AGAP1: variants seen among roughly 807,000 people sequenced by gnomAD.
The protein encoded by AGAP1 is ArfGAP with GTPase domain, ankyrin repeat and PH domain 1.
Under a neutral mutation model 105.3 loss-of-function variants are expected in AGAP1, and 29 were observed. That is an observed-to-expected ratio of 0.28 (90% CI 0.21 to 0.38). AGAP1 has a LOEUF of 0.38. Ranked by LOEUF, AGAP1 falls within the 10% of genes least tolerant of loss-of-function variation. AGAP1 has a pLI of 1.00. For missense variants in AGAP1, 998 were observed against 1,165.1 expected, an observed-to-expected ratio of 0.86 and a Z score of 2.09; for synonymous variants, 509 against 485.9, an observed-to-expected ratio of 1.05 and a Z score of -0.63.
At chr2:235,602,079 C>T (rs1283874778) in intron 1 of AGAP1, among the ~76,000 whole-genome samples, 2 of 152,232 alleles carry the variant, frequency 1.3e-5, no homozygotes, top group Admixed American at 6.5e-5. Flanking sequence ...GGCCGCAGAG[C>T]AGGCACTGGC....
rs933405929 is a variant in AGAP1 at position 235,732,339 on chromosome 2, C to T, written c.311-8624C>T. 6.6e-6 allele frequency among the ~76,000 whole-genome samples: 1 copy of T among 152,232 alleles called. No homozygotes were observed. The highest frequency in any genetic ancestry group is 6.5e-5 in the Admixed American group (1 of 15,280). Reference sequence around the variant, plus strand: ...AACTCAGCTTTCAGCCTTGTCTCTTCTGCTCCTTACTTTTTCTAATTTTAT... The same window carrying T: ...AACTCAGCTTTCAGCCTTGTCTCTTTTGCTCCTTACTTTTTCTAATTTTAT... On this transcript the variant is annotated intron_variant, in intron 3 of 17. Coordinates refer to ENST00000304032, the MANE Select transcript of AGAP1 (RefSeq NM_001037131.3). This position sits in a 1 kb window ranked among gnomAD's most constrained non-coding sequence, Gnocchi z 4.8.
rs1012968363 is a variant in AGAP1 at position 235,906,194 on chromosome 2, T to C, written c.1156-2544T>C. ...CCAGCCTCGGGTGGCCGGGCACCTC[T>C]GCTCCCGGCCTCTGGGCTGATGTGA... On this transcript the variant is annotated intron_variant, in intron 10 of 17. Coordinates refer to ENST00000304032, the MANE Select transcript of AGAP1 (RefSeq NM_001037131.3). This position sits in a 1 kb window ranked among gnomAD's most constrained non-coding sequence, Gnocchi z 5.3. 6.6e-6 allele frequency among the ~76,000 whole-genome samples: 1 copy of C among 152,170 alleles called. No individual in the cohort carries two copies. The highest frequency in any genetic ancestry group is 1.5e-5 in the Non-Finnish European group (1 of 68,030).
chr2:235,997,717 A>G (rs1422795220), intron 13 of AGAP1, among the ~76,000 whole-genome samples: 1 of 152,194 alleles, frequency 6.6e-6, no homozygotes, highest in Non-Finnish European at 1.5e-5. Flanking sequence ...AGAATCACCA[A>G]TAAAAACTTT....
chr2:235,871,640 T>G (rs2049445169), intron 9 of AGAP1, among the ~76,000 whole-genome samples: 1 of 152,238 alleles, frequency 6.6e-6, no homozygotes, highest in South Asian at 2.1e-4. Flanking sequence ...TTTTCTTACC[T>G]GTTGCTGCAT....
chr2:235,853,919 G>C (rs1364361990), intron 9 of AGAP1, among the ~76,000 whole-genome samples: 1 of 151,752 alleles, frequency 6.6e-6, no homozygotes. Context: ...CTTGTTGTCA[G>C]CCTCCCATGT....
chr2:235,991,190 T>C (rs2055549319), intron 13 of AGAP1, among the ~76,000 whole-genome samples: 1 of 152,276 alleles, frequency 6.6e-6, no homozygotes, highest in African/African-American at 2.4e-5. Flanking sequence ...TCTGGTAATA[T>C]GACTGGAGAA....
chr2:235,522,541 G>C (rs1056384245), intron 1 of AGAP1, among the ~76,000 whole-genome samples: 3 of 152,136 alleles, frequency 2.0e-5, no homozygotes, highest in Non-Finnish European at 2.9e-5. Flanking sequence ...GAAGGAAGAC[G>C]GCTCATGAGG....
At chr2:235,809,180 G>C (rs1190763475) in intron 9 of AGAP1, among the ~76,000 whole-genome samples, 2 of 152,044 alleles carry the variant, frequency 1.3e-5, no homozygotes, top group Non-Finnish European at 2.9e-5. Context: ...GGTATAATTG[G>C]AACCTTCATT....
At chr2:235,685,858 G>A (rs2149416490) in intron 1 of AGAP1, among the ~76,000 whole-genome samples, 1 of 152,260 alleles carries the variant, frequency 6.6e-6, no homozygotes, top group East Asian at 1.9e-4. Flanking sequence ...CCTGAGCACA[G>A]CTTGGTACGT....
At chr2:235,587,356 A>G (rs1195530294) in intron 1 of AGAP1, among the ~76,000 whole-genome samples, 1 of 152,196 alleles carries the variant, frequency 6.6e-6, no homozygotes, top group Non-Finnish European at 1.5e-5. Context: ...TCCTCCTTGT[A>G]GTAACCATAG....
intron 10 of AGAP1, among the ~76,000 whole-genome samples, chr2:235,897,557 C>T (rs1370253024): frequency 6.6e-6 from 1 of 152,082 alleles, no homozygotes; most frequent in Non-Finnish European, 1.5e-5. Context: ...ACCAGTATGC[C>T]GCGTGATATG....
intron 1 of AGAP1, among the ~76,000 whole-genome samples, chr2:235,686,271 A>G (rs770286669): frequency 1.8e-4 from 28 of 152,120 alleles, no homozygotes; most frequent in Non-Finnish European, 2.8e-4. Context: ...GCCAAGGTGA[A>G]TAGATGGTCA....
At chr2:235,917,792 G>A (rs1575775443) in intron 11 of AGAP1, among the ~76,000 whole-genome samples, 2 of 152,182 alleles carry the variant, frequency 1.3e-5, no homozygotes, top group East Asian at 1.9e-4. Context: ...GAAGTAATTG[G>A]CTGTGCAGAA....
intron 1 of AGAP1, among the ~76,000 whole-genome samples, chr2:235,668,865 CA>C (rs1948219974): frequency 1.3e-5 from 2 of 152,134 alleles, no homozygotes. Flanking sequence ...CCCTGTTTTA[CA>C]GGTGGAAAAG....
In AGAP1 at chr2:235,893,276, C is replaced by G. The variant is rs942892335; in HGVS notation, c.1155+9827C>G. 1.3e-5 allele frequency among the ~76,000 whole-genome samples: 2 copies of G among 150,688 alleles called. No individual in the cohort carries two copies. The highest frequency in any genetic ancestry group is 4.9e-5 in the African/African-American group (2 of 40,806). ...TGTCCATCATAAGGAAGCGCCGTGT[C>G]TGTAGCGTGGGTGTAGCGTGTCTGT... On this transcript the variant is annotated intron_variant, in intron 10 of 17. Transcript: ENST00000304032. This position sits in a 1 kb window ranked among gnomAD's most constrained non-coding sequence, Gnocchi z 4.7.
rs2056150623 is a variant in AGAP1 at position 236,002,202 on chromosome 2, T to C, written c.1645+33579T>C. Among the ~76,000 whole-genome samples the C allele has an allele frequency of 6.6e-6, 1 of 152,202 alleles. No individual in the cohort carries two copies. Among genetic ancestry groups the C allele is most frequent in the Non-Finnish European group, 1.5e-5 (1 of 68,042 alleles). Reference sequence around the variant, plus strand: ...TCATTCAGCAGACTCGTTGAGAACATGTGTGGTAGGCACGTGCTGGGCACT... The same window carrying C: ...TCATTCAGCAGACTCGTTGAGAACACGTGTGGTAGGCACGTGCTGGGCACT... On this transcript the variant is annotated intron_variant, in intron 13 of 17. Coordinates refer to ENST00000304032, the MANE Select transcript of AGAP1 (RefSeq NM_001037131.3). The surrounding 1 kb of genome is among the most constrained non-coding windows in gnomAD (Gnocchi z 4.3).
intron 16 of AGAP1, among the ~76,000 whole-genome samples, chr2:236,117,410 C>T (rs1199847446): frequency 3.3e-5 from 5 of 152,138 alleles, no homozygotes; most frequent in African/African-American, 1.2e-4. Flanking sequence ...GATGTGAGGA[C>T]AGAGAATCAC....
rs1292490663 is a variant in AGAP1 at position 236,092,342 on chromosome 2, A to G, written c.2115-27850A>G. The stretch of plus-strand genomic sequence containing the variant: ...TTCAAGATACTGCCTTTGAGGGGAA[A>G]CCAGGTAAGGGGTACATGAGATCTC... On this transcript the variant is annotated intron_variant, in intron 16 of 17. Transcript: ENST00000304032. The surrounding 1 kb of genome is among the most constrained non-coding windows in gnomAD (Gnocchi z 4.7). 6.6e-6 allele frequency among the ~76,000 whole-genome samples: 1 copy of G among 152,140 alleles called. No individual in the cohort carries two copies. The highest frequency in any genetic ancestry group is 1.5e-5 in the Non-Finnish European group (1 of 68,022).
Position 235,787,881 on chromosome 2 carries a change from A to G in AGAP1, c.674-9878A>G, listed in dbSNP as rs912620591. Among the ~76,000 whole-genome samples the G allele has an allele frequency of 2.4e-5, 2 of 84,492 alleles. No individual in the cohort carries two copies. The highest frequency in any genetic ancestry group is 3.8e-5 in the African/African-American group (1 of 26,636). The allele number at this position is 84,492 out of a possible 152,430, so 55.4% of individuals were successfully genotyped here. On this transcript the variant is annotated intron_variant, in intron 6 of 17. Transcript: ENST00000304032. The surrounding 1 kb of genome is among the most constrained non-coding windows in gnomAD (Gnocchi z 4.4). ...AAGAGCAAGATCAAGAGCGTTCTAG[A>G]CCATGAGCATTCTGGGACCAAGAGC...
Sources: gnomAD v4.1 joint callset for allele counts (sites outside exome capture counted in the v4.1 genomes callset) on GRCh38, gnomAD v4.1.1 for gene constraint, Gnocchi (gnomAD v3.1) non-coding constraint, MANE v1.5 for transcripts, NCBI Gene and HGNC (gene_info 2026-07-23, HGNC 2026-07-21) for gene names.